RIMS1: variants seen among roughly 807,000 people sequenced by gnomAD.
The protein encoded by RIMS1 is regulating synaptic membrane exocytosis 1, also known as regulating synaptic membrane exocytosis protein 1.
RIMS1 carries 83 observed loss-of-function variants against 214.1 expected under a neutral mutation model. The ratio of observed to expected loss-of-function variants is 0.39; its 90% confidence interval spans 0.32 to 0.47. The LOEUF is 0.47. Among genes scored for constraint, RIMS1 ranks in the 20% least tolerant of loss-of-function variants. RIMS1 has a pLI of 0.99. For synonymous variants in RIMS1, 793 were observed against 786.8 expected (o/e 1.01, Z -0.13); for missense variants, 2,050 against 2,161.8 (o/e 0.95, Z 1.03).
intron 5 of RIMS1, among the ~76,000 whole-genome samples, chr6:72,181,743 A>G (rs1403998738): frequency 6.6e-6 from 1 of 152,148 alleles, no homozygotes; most frequent in Non-Finnish European, 1.5e-5. Context: ...TGAAAGAGAC[A>G]CTGTTTATTT....
chr6:72,206,296 T>C (rs1202425243), intron 6 of RIMS1, among the ~76,000 whole-genome samples: 1 of 152,190 alleles, frequency 6.6e-6, no homozygotes, highest in Admixed American at 6.5e-5. Context: ...ATTTTAGAAC[T>C]TTTTAGTAAA....
intron 2 of RIMS1, among the ~76,000 whole-genome samples, chr6:72,039,656 A>G (rs1411875315): frequency 2.0e-5 from 3 of 152,110 alleles, no homozygotes; most frequent in Admixed American, 1.3e-4. Flanking sequence ...TTTTGGGACA[A>G]AATATTTTTT....
intron 2 of RIMS1, among the ~76,000 whole-genome samples, chr6:72,064,222 G>A (rs916240801): frequency 6.6e-6 from 1 of 152,146 alleles, no homozygotes; most frequent in African/African-American, 2.4e-5. Flanking sequence ...GGAGGCTGAG[G>A]CAGGAGAGTT....
chr6:72,236,188 A>G (rs2063948565), intron 8 of RIMS1, among the ~76,000 whole-genome samples: 1 of 152,166 alleles, frequency 6.6e-6, no homozygotes, highest in Admixed American at 6.6e-5. Context: ...TTTTGGTGAT[A>G]TTCTCTTCAT....
rs187018888 is a variant in RIMS1, at chr6:72,373,227, G to T, written c.4367-17371G>T. 1.1e-4 allele frequency among the ~76,000 whole-genome samples: 16 copies of T among 152,214 alleles called. No individual in the cohort carries two copies. The East Asian group carries it at 1.9e-3, about 18-fold the overall frequency. On this transcript the variant is annotated intron_variant, in intron 29 of 33. Transcript: ENST00000521978. The stretch of plus-strand genomic sequence containing the variant: ...ACCCACCGATAATTTGAATTTCAGG[G>T]TTTTCAGCTCAGTGCTTATTTTTAG...
intron 2 of RIMS1, among the ~76,000 whole-genome samples, chr6:71,984,206 G>C (rs569688758): frequency 1.3e-5 from 2 of 152,028 alleles, no homozygotes; most frequent in Non-Finnish European, 2.9e-5. Context: ...ATGCAAAAAG[G>C]CTTAAAAAAC....
chr6:71,978,606 A>G (rs1269757899), intron 2 of RIMS1, among the ~76,000 whole-genome samples: 1 of 152,218 alleles, frequency 6.6e-6, no homozygotes, highest in African/African-American at 2.4e-5. Flanking sequence ...TCATATGCAA[A>G]GGATCTTTTA....
chr6:71,908,804 C>T (rs1301100255), intron 1 of RIMS1, among the ~76,000 whole-genome samples: 1 of 152,104 alleles, frequency 6.6e-6, no homozygotes, highest in Non-Finnish European at 1.5e-5. Flanking sequence ...CAGTGTTTCT[C>T]CTACCACCAT....
chr6:72,037,722 T>G (rs1820070089), intron 2 of RIMS1, among the ~76,000 whole-genome samples: 1 of 152,106 alleles, frequency 6.6e-6, no homozygotes, highest in Admixed American at 6.6e-5. Context: ...TTGTTTGTTT[T>G]AAGGCAGTGC....
chr6:72,174,153 C>A (rs534186612), intron 4 of RIMS1, among the ~76,000 whole-genome samples: 30 of 152,308 alleles, frequency 2.0e-4, no homozygotes, highest in African/African-American at 7.0e-4. Flanking sequence ...CAGCTTCCTC[C>A]ATTTTGTTTC....
intron 2 of RIMS1, among the ~76,000 whole-genome samples, chr6:72,014,232 C>A (rs945475739): frequency 2.0e-5 from 3 of 152,216 alleles, no homozygotes; most frequent in Admixed American, 2.0e-4. Context: ...ACCATTAGAT[C>A]TTGTGAGAAC....
chr6:71,919,452 G>A (rs994640522), intron 1 of RIMS1, among the ~76,000 whole-genome samples: 3 of 151,816 alleles, frequency 2.0e-5, no homozygotes, highest in African/African-American at 7.3e-5. Context: ...TTCGGTTTTG[G>A]CATATTGAAA....
At chr6:71,899,110 G>T (rs1370953401) in intron 1 of RIMS1, among the ~76,000 whole-genome samples, 3 of 151,916 alleles carry the variant, frequency 2.0e-5, no homozygotes, top group Admixed American at 6.6e-5. Context: ...TTTATTTAAA[G>T]ATTCCCTTTG....
chr6:72,064,217 C>T (rs796964339), intron 2 of RIMS1, among the ~76,000 whole-genome samples: 5 of 152,210 alleles, frequency 3.3e-5, no homozygotes, highest in African/African-American at 1.2e-4. Flanking sequence ...ACTTGGGAGG[C>T]TGAGGCAGGA....
intron 2 of RIMS1, among the ~76,000 whole-genome samples, chr6:72,047,155 T>C (rs2152117372): frequency 6.6e-6 from 1 of 152,326 alleles, no homozygotes; most frequent in African/African-American, 2.4e-5. Flanking sequence ...TTTTAGCTCC[T>C]CATTGCTTTT....
intron 1 of RIMS1, among the ~76,000 whole-genome samples, chr6:71,960,612 C>T (rs1338615906): frequency 1.3e-5 from 2 of 152,086 alleles, no homozygotes; most frequent in African/African-American, 4.8e-5. Context: ...TCCTACCTTG[C>T]TGGAAATATT....
intron 2 of RIMS1, among the ~76,000 whole-genome samples, chr6:72,003,512 T>G (rs1317894759): frequency 4.6e-5 from 7 of 152,084 alleles, no homozygotes; most frequent in African/African-American, 1.7e-4. Flanking sequence ...CACCTAATTT[T>G]CAGCTTACTC....
intron 6 of RIMS1, among the ~76,000 whole-genome samples, chr6:72,191,294 A>G (rs1417765491): frequency 6.6e-6 from 1 of 152,216 alleles, no homozygotes; most frequent in Non-Finnish European, 1.5e-5. Flanking sequence ...AAATGCAGCT[A>G]TTTATCCTTT....
At chr6:72,208,236 A>G (rs1018716573) in intron 6 of RIMS1, among the ~76,000 whole-genome samples, 1 of 152,216 alleles carries the variant, frequency 6.6e-6, no homozygotes, top group Non-Finnish European at 1.5e-5. Context: ...AATAAATTGA[A>G]GTCTCATTCT....
Sources: gnomAD v4.1 joint callset for allele counts (sites outside exome capture counted in the v4.1 genomes callset) on GRCh38, gnomAD v4.1.1 for gene constraint, MANE v1.5 for transcripts, NCBI Gene and HGNC (gene_info 2026-07-23, HGNC 2026-07-21) for gene names.